Variants in ZNF282 observed in about 807,000 individuals in gnomAD.
ZNF282 encodes the protein zinc finger protein 282.
Under a neutral mutation model 61.9 loss-of-function variants are expected in ZNF282, and 30 were observed. The observed-to-expected ratio is 0.48, with a 90% confidence interval of 0.36 to 0.66. The LOEUF (loss-of-function observed/expected upper bound fraction) is 0.66. Among genes scored for constraint, ZNF282 ranks in the 30% least tolerant of loss-of-function variants. The pLI is 0.00. For synonymous variants in ZNF282, 396 were observed against 405.0 expected (o/e 0.98, Z 0.27); for missense variants, 788 against 941.4 (o/e 0.84, Z 2.13).
chr7:149,205,037 GGA>G (rs1795971253), intron 2 of ZNF282, among the ~76,000 whole-genome samples: 1 of 150,482 alleles, frequency 6.6e-6, no homozygotes, highest in Non-Finnish European at 1.5e-5. Context: ...CTGAGGCAGG[GGA>G]ATTGCTTGAA....
chr7:149,206,731 C>T lies in ZNF282; in HGVS notation c.621C>T (p.Phe207=). Reference sequence around the variant, plus strand: ...CTTTTGTCGACATTGCTGTGTACTTCTCCGAAGACGAGTGGAAGAACTTGG... The same window carrying T: ...CTTTTGTCGACATTGCTGTGTACTTTTCCGAAGACGAGTGGAAGAACTTGG... ...PVTFVDIAVY[F]SEDEWKNLDE... The change falls in exon 3 of 8, where the codon TTC becomes TTT. Residue 207 remains phenylalanine, a synonymous_variant. Transcript: ENST00000610704. 1 of 1,614,188 alleles carries T rather than the reference C, an allele frequency of 6.2e-7. No individual in the cohort carries two copies. Among genetic ancestry groups the T allele is most frequent in the South Asian group, 1.1e-5 (1 of 91,090 alleles).
rs1206076072 is a variant in ZNF282, at chr7:149,224,563, G to A, written c.1932G>A (p.Ser644=). Residue 644 remains serine, a synonymous_variant, in exon 8 of 8, where the codon TCG becomes TCA. Coordinates refer to ENST00000610704, the MANE Select transcript of ZNF282 (RefSeq NM_003575.4). ...ECGKSFRYKE[S]LKDHLRVHSG... The stretch of plus-strand genomic sequence containing the variant: ...GCAAGAGCTTCCGCTACAAGGAGTC[G>A]CTCAAGGACCACCTGCGCGTGCACA... 9 of 1,605,030 alleles carry A rather than the reference G, an allele frequency of 5.6e-6. No homozygotes were observed. Among genetic ancestry groups the A allele is most frequent in the Non-Finnish European group, 6.8e-6 (8 of 1,178,244 alleles).
rs1796353651 is a variant in ZNF282 at position 149,225,448 on chromosome 7, C to T, written c.*801C>T. On this transcript the variant is annotated 3_prime_UTR_variant, in exon 8 of 8. Coordinates refer to ENST00000610704, the MANE Select transcript of ZNF282 (RefSeq NM_003575.4). ...TGGCTACGGAACGCCCCAGGTTGTA[C>T]ATTCAGAGGGCTCTTTCTCCATGGG... 1.3e-5 allele frequency: 2 copies of T among 152,276 alleles called. No homozygotes were observed. The highest frequency in any genetic ancestry group is 4.1e-4 in the South Asian group (2 of 4,828). The allele number at this position is 152,276 out of a possible 1,614,324, so 9.4% of individuals were successfully genotyped here. A position where few individuals can be genotyped will look rare whatever the true frequency, so the allele number is the denominator to read the frequency against.
At chr7:149,216,272 A>T (rs1188752748) in intron 7 of ZNF282, among the ~76,000 whole-genome samples, 2 of 151,940 alleles carry the variant, frequency 1.3e-5, no homozygotes, top group African/African-American at 4.8e-5. Context: ...GTAATTTTTT[A>T]AAATGTTTTG....
Position 149,209,143 on chromosome 7 carries a change from C to T in ZNF282, c.833-1442C>T, listed in dbSNP as rs1332359922. ...AGCATCCTGGCTAACACGGTGAAAC[C>T]GTGTCTCTACTAAAAACACAAAAAA... On this transcript the variant is annotated intron_variant, in intron 4 of 7. Coordinates refer to ENST00000610704, the MANE Select transcript of ZNF282 (RefSeq NM_003575.4). Among the ~76,000 whole-genome samples, 6 of 151,580 alleles carry T rather than the reference C, an allele frequency of 4.0e-5. No homozygotes were observed. In the East Asian group the frequency reaches 1.2e-3, roughly 29 times the overall value.
At chr7:149,213,304 T>C (rs1437713464) in intron 6 of ZNF282, among the ~76,000 whole-genome samples, 1 of 152,192 alleles carries the variant, frequency 6.6e-6, no homozygotes, top group African/African-American at 2.4e-5. Flanking sequence ...ATCAATGACC[T>C]CTGGTTGCAG....
intron 1 of ZNF282, 41 bp downstream of exon 1, chr7:149,195,795 G>A (rs1221546905): frequency 7.0e-7 from 1 of 1,435,108 alleles, no homozygotes. Flanking sequence ...GCTGCCGTGG[G>A]GGCGGGGCGC....
Position 149,224,198 on chromosome 7 carries a change from T to G in ZNF282, c.1567T>G (p.Cys523Gly). 2 of 1,606,386 alleles carry G rather than the reference T, an allele frequency of 1.2e-6. No homozygotes were observed. Among genetic ancestry groups the G allele is most frequent in the Non-Finnish European group, 1.7e-6 (2 of 1,179,576 alleles). ...CAGCAAGCCCTACTCGTGCCCCGAG[T>G]GCGGCAAGAGCTTCGGCGTGCGCAA... ...ARSKPYSCPE[C>G]GKSFGVRKSL... The change falls in exon 8 of 8, where the codon TGC (cysteine) becomes GGC (glycine). Residue 523 changes from cysteine (C) to glycine (G), a missense_variant. Physicochemically the swap from Cys to Gly is radical, Grantham distance 159 (BLOSUM62 -3). Transcript: ENST00000610704.
chr7:149,208,794 G>A (rs933758109), intron 4 of ZNF282, among the ~76,000 whole-genome samples: 2 of 150,796 alleles, frequency 1.3e-5, no homozygotes, highest in African/African-American at 2.4e-5. Context: ...CGAGGTGGGC[G>A]GATTAGCTGA....
Position 149,212,349 on chromosome 7 carries a change from C to T in ZNF282, c.953-9C>T, listed in dbSNP as rs368523318. ...CTAACACCTTTGCCGCTCTTGTTCC[C>T]GCAAGTAGACTCCCCAATTTCTGCC... is the stretch of plus-strand genomic sequence containing the variant. On this transcript the variant is annotated splice_polypyrimidine_tract_variant and intron_variant, in intron 5 of 7. Transcript: ENST00000610704. The T allele has an allele frequency of 1.1e-5, 18 of 1,600,666 alleles. No homozygotes were observed. Among genetic ancestry groups the T allele is most frequent in the South Asian group, 9.1e-5 (8 of 88,274 alleles).
chr7:149,198,768 TG>T lies in ZNF282; in HGVS notation c.585+20del. 3 of 1,607,234 alleles carry T rather than the reference TG, an allele frequency of 1.9e-6. No individual in the cohort carries two copies. The South Asian group carries it at 3.3e-5, about 18-fold the overall frequency. ...GGCCCCCAAGGTATGTGGTGGTCCC[TG>T]GGGCAGGGATAGAGGTGAGGAACAG... is the stretch of plus-strand genomic sequence containing the variant. On this transcript the variant is annotated intron_variant, in intron 2 of 7. Coordinates refer to ENST00000610704, the MANE Select transcript of ZNF282 (RefSeq NM_003575.4). The surrounding 1 kb of genome is among the most constrained non-coding windows in gnomAD (Gnocchi z 4.3).
rs1189618482 is a variant in ZNF282 at position 149,207,464 on chromosome 7, G to A, written c.826G>A (p.Glu276Lys). ...PEEREIPMDP[E>K]AGAEPLVPAQ... is the part of the protein sequence containing the mutation. ...AGAGAGAGAAATCCCAATGGATCCCGAAGCAGGTGATGGCAGCAGAAGAGA... is the reference window on the plus strand; with the variant it reads ...AGAGAGAGAAATCCCAATGGATCCCAAAGCAGGTGATGGCAGCAGAAGAGA... Residue 276 changes from glutamate (E) to lysine (K), a missense_variant, in exon 4 of 8, where the codon GAA becomes AAA. Coordinates refer to ENST00000610704, the MANE Select transcript of ZNF282 (RefSeq NM_003575.4). 7 of 1,560,270 alleles carry A rather than the reference G, an allele frequency of 4.5e-6. No homozygotes were observed. Among genetic ancestry groups the A allele is most frequent in the East Asian group, 2.4e-5 (1 of 42,078 alleles).
chr7:149,207,410 C>G lies in ZNF282; in HGVS notation c.772C>G (p.Pro258Ala). ...APVQAEPREE[P>A]CVWEQRHPEE... ...AGTCCAGGCTGAGCCCAGGGAAGAA[C>G]CTTGTGTGTGGGAGCAGCGCCACCC... is the stretch of plus-strand genomic sequence containing the variant. Residue 258 changes from proline (P) to alanine (A), a missense_variant, in exon 4 of 8, where the codon CCT (proline) becomes GCT (alanine). Around this residue, in one of 3 missense-constraint regions of ZNF282, gnomAD observed 559 missense variants for 642.0 expected, o/e 0.87. Transcript: ENST00000610704. 6.3e-7 allele frequency: 1 copy of G among 1,576,714 alleles called. No individual in the cohort carries two copies. The highest frequency in any genetic ancestry group is 8.6e-7 in the Non-Finnish European group (1 of 1,159,596).
intron 7 of ZNF282, among the ~76,000 whole-genome samples, chr7:149,217,716 G>A (rs558949139): frequency 6.6e-6 from 1 of 152,298 alleles, no homozygotes; most frequent in African/African-American, 2.4e-5. Flanking sequence ...ATGAGGCAGA[G>A]CAAAGACAGA....
At chr7:149,204,484 C>T (rs1482598710) in intron 2 of ZNF282, among the ~76,000 whole-genome samples, 2 of 152,020 alleles carry the variant, frequency 1.3e-5, no homozygotes, top group Admixed American at 6.6e-5. Context: ...GTTGGAATGA[C>T]CCTGAAGGAC....
chr7:149,202,752 T>C (rs1795931666), intron 2 of ZNF282, among the ~76,000 whole-genome samples: 1 of 152,108 alleles, frequency 6.6e-6, no homozygotes, highest in Non-Finnish European at 1.5e-5. Flanking sequence ...CACCTGGCCT[T>C]ATGATATTAT....
At chr7:149,207,915 C>T (rs1430686354) in intron 4 of ZNF282, among the ~76,000 whole-genome samples, 1 of 152,232 alleles carries the variant, frequency 6.6e-6, no homozygotes, top group Admixed American at 6.5e-5. Flanking sequence ...GGCTCACCTG[C>T]AGGCTCGCCC....
chr7:149,207,256 A>G lies in ZNF282; in HGVS notation c.713-95A>G. 4.1e-6 allele frequency: 6 copies of G among 1,461,930 alleles called. No homozygotes were observed. The South Asian group carries it at 6.7e-5, about 16-fold the overall frequency. The allele number at this position is 1,461,930 out of a possible 1,614,324, so 90.6% of individuals were successfully genotyped here. The stretch of plus-strand genomic sequence containing the variant: ...GCCAAAGAGGGACACCCAGGAGGAG[A>G]GGGGGAGATGGGGTAGGGGAGAGTT... On this transcript the variant is annotated intron_variant, in intron 3 of 7. Transcript: ENST00000610704.
intron 7 of ZNF282, among the ~76,000 whole-genome samples, chr7:149,219,215 G>T (rs1377882133): frequency 6.6e-6 from 1 of 152,080 alleles, no homozygotes; most frequent in Non-Finnish European, 1.5e-5. Context: ...AACTCTCTAA[G>T]ATCCCACCAT....
Sources: allele counts gnomAD v4.1 joint callset (sites outside exome capture counted in the v4.1 genomes callset), GRCh38; gene constraint gnomAD v4.1.1; regional missense constraint gnomAD v4.1.1; non-coding constraint Gnocchi (gnomAD v3.1); transcripts MANE v1.5; gene names NCBI Gene and HGNC (gene_info 2026-07-23, HGNC 2026-07-21).